ADAMTS19: variants seen among roughly 807,000 people sequenced by gnomAD.
ADAMTS19 encodes the protein A disintegrin and metalloproteinase with thrombospondin motifs 19.
Under a neutral mutation model 153.3 loss-of-function variants are expected in ADAMTS19, and 93 were observed. The observed-to-expected ratio is 0.61, with a 90% CI of 0.51 to 0.72. The LOEUF is 0.72. ADAMTS19 is among the 30% of genes least tolerant of loss of function. The probability of loss-of-function intolerance (pLI) is 0.00; values close to 1 mark genes in which losing one functional copy is unlikely to be tolerated. For synonymous variants in ADAMTS19, 600 were observed against 556.6 expected (o/e 1.08, Z -1.10); for missense variants, 1,482 against 1,552.1 (o/e 0.95, Z 0.76).
At chr5:129,643,432 GA>G (rs540385327) in intron 11 of ADAMTS19, among the ~76,000 whole-genome samples, 127 of 147,686 alleles carry the variant, frequency 8.6e-4, no homozygotes, top group African/African-American at 2.5e-3. Context: ...AGTGTAATTA[GA>G]AGTTACCTCT....
intron 7 of ADAMTS19, among the ~76,000 whole-genome samples, chr5:129,568,125 G>C (rs1020364974): frequency 2.0e-5 from 3 of 152,126 alleles, no homozygotes; most frequent in Non-Finnish European, 4.4e-5. Flanking sequence ...GCTGCTTTAA[G>C]AGAATTGCCA....
intron 7 of ADAMTS19, among the ~76,000 whole-genome samples, chr5:129,583,022 T>C (rs1388339159): frequency 6.6e-6 from 1 of 152,192 alleles, no homozygotes; most frequent in East Asian, 1.9e-4. Context: ...CTTTACAATT[T>C]GGTATGTTTT....
At chr5:129,640,161 T>C (rs1199768213) in intron 10 of ADAMTS19, among the ~76,000 whole-genome samples, 1 of 152,100 alleles carries the variant, frequency 6.6e-6, no homozygotes, top group African/African-American at 2.4e-5. Flanking sequence ...GAAAATAAGG[T>C]AAATTAAATA....
chr5:129,478,752 C>T (rs1472466023), intron 2 of ADAMTS19, among the ~76,000 whole-genome samples: 5 of 152,040 alleles, frequency 3.3e-5, no homozygotes, highest in African/African-American at 9.7e-5. Context: ...CTGTATTACC[C>T]AGGTTGGTAT....
chr5:129,525,306 G>A (rs528711028), intron 3 of ADAMTS19, among the ~76,000 whole-genome samples: 2 of 152,170 alleles, frequency 1.3e-5, no homozygotes, highest in East Asian at 3.9e-4. Flanking sequence ...AGTCTTGTCA[G>A]CACTTGATAT....
At chr5:129,539,819 A>G (rs1297108102) in intron 6 of ADAMTS19, among the ~76,000 whole-genome samples, 3 of 152,074 alleles carry the variant, frequency 2.0e-5, no homozygotes, top group Non-Finnish European at 4.4e-5. Flanking sequence ...GAATACTGGC[A>G]AACTGTTCTC....
intron 9 of ADAMTS19, among the ~76,000 whole-genome samples, chr5:129,621,384 A>G (rs1751769069): frequency 6.6e-6 from 1 of 152,208 alleles, no homozygotes; most frequent in Admixed American, 6.5e-5. Flanking sequence ...AGTTAGTGAG[A>G]TGTTTAAGGT....
At chr5:129,482,828 A>G (rs78363067) in intron 2 of ADAMTS19, among the ~76,000 whole-genome samples, 2,124 of 152,228 alleles carry the variant, frequency 0.014, 47 homozygotes, top group African/African-American at 0.047. Context: ...CCCATGTCAC[A>G]TATTTCTTCA....
chr5:129,513,946 T>C (rs1751516779), intron 3 of ADAMTS19, among the ~76,000 whole-genome samples: 1 of 152,062 alleles, frequency 6.6e-6, no homozygotes, highest in Admixed American at 6.6e-5. Context: ...CCTCACTACC[T>C]TTCCTAGCCT....
At chr5:129,611,195 G>T (rs1751197134) in intron 8 of ADAMTS19, among the ~76,000 whole-genome samples, 1 of 151,098 alleles carries the variant, frequency 6.6e-6, no homozygotes, top group South Asian at 2.2e-4. Context: ...TTAGCCCTTT[G>T]TCAGATGAGT....
chr5:129,678,823 C>T (rs1393819473), intron 16 of ADAMTS19, among the ~76,000 whole-genome samples: 4 of 152,052 alleles, frequency 2.6e-5, no homozygotes, highest in Non-Finnish European at 5.9e-5. Flanking sequence ...AATCTTCAAA[C>T]ATCTAATACT....
In ADAMTS19 at chr5:129,679,809, T is replaced by C. The variant is rs761566560; in HGVS notation, c.2552T>C (p.Ile851Thr). 3.7e-6 allele frequency: 6 copies of C among 1,613,900 alleles called. No individual in the cohort carries two copies. Among genetic ancestry groups the C allele is most frequent in the Non-Finnish European group, 5.1e-6 (6 of 1,179,866 alleles). ...CAGTCTATTAATAGTGACTGGAAGATTGAACACTCTGGAGCCTTCAATTTG... is the reference window on the plus strand; with the variant it reads ...CAGTCTATTAATAGTGACTGGAAGACTGAACACTCTGGAGCCTTCAATTTG... ...GKQSINSDWK[I>T]EHSGAFNLAG... The change falls in exon 17 of 23, where the codon ATT (isoleucine) becomes ACT (threonine). Residue 851 changes from isoleucine (I) to threonine (T), a missense_variant. Ile to Thr is a moderately conservative substitution (Grantham distance 89). Coordinates refer to ENST00000274487, the MANE Select transcript of ADAMTS19 (RefSeq NM_133638.6).
intron 6 of ADAMTS19, among the ~76,000 whole-genome samples, chr5:129,549,651 C>G (rs1173927367): frequency 6.6e-6 from 1 of 150,992 alleles, no homozygotes; most frequent in Non-Finnish European, 1.5e-5. Flanking sequence ...AAAAATCAAT[C>G]CAGTATTGAT....
chr5:129,496,000 G>A (rs538448611), intron 2 of ADAMTS19, among the ~76,000 whole-genome samples: 65 of 152,172 alleles, frequency 4.3e-4, no homozygotes, highest in Admixed American at 4.0e-3. Context: ...AAGGTCAAAT[G>A]TGTTCTTTAA....
At chr5:129,549,458 C>G (rs939043414) in intron 6 of ADAMTS19, among the ~76,000 whole-genome samples, 11 of 151,412 alleles carry the variant, frequency 7.3e-5, no homozygotes, top group Non-Finnish European at 1.6e-4. Flanking sequence ...TCCACCTTAG[C>G]AAAGTAAACA....
intron 2 of ADAMTS19, among the ~76,000 whole-genome samples, chr5:129,495,667 A>G (rs1388184007): frequency 6.6e-6 from 1 of 152,102 alleles, no homozygotes; most frequent in Non-Finnish European, 1.5e-5. Context: ...TATCAGTAAC[A>G]TTGATGAATG....
intron 6 of ADAMTS19, among the ~76,000 whole-genome samples, chr5:129,529,409 T>A (rs1377450845): frequency 6.6e-6 from 1 of 152,168 alleles, no homozygotes; most frequent in Non-Finnish European, 1.5e-5. Flanking sequence ...TTGTAATTAA[T>A]ACTAAAGGCA....
At chr5:129,581,564 A>T (rs572488100) in intron 7 of ADAMTS19, among the ~76,000 whole-genome samples, 3 of 149,230 alleles carry the variant, frequency 2.0e-5, no homozygotes, top group African/African-American at 7.3e-5. Context: ...TCCTGGATTC[A>T]TTCATTTTTT....
chr5:129,658,841 G>A (rs1753706786), intron 15 of ADAMTS19, 104 bp downstream of exon 15: 2 of 1,200,426 alleles, frequency 1.7e-6, no homozygotes, highest in East Asian at 2.6e-5. Context: ...TTCTATTGAA[G>A]ACTTGCAATG....
Sources: gnomAD v4.1 joint callset for allele counts (sites outside exome capture counted in the v4.1 genomes callset) on GRCh38, gnomAD v4.1.1 for gene constraint, MANE v1.5 for transcripts, NCBI Gene and HGNC (gene_info 2026-07-23, HGNC 2026-07-21) for gene names.